Variants in MTIF2 observed in about 807,000 individuals in gnomAD.
MTIF2 encodes the protein mitochondrial translational initiation factor 2.
In MTIF2, 71 loss-of-function variants were observed where a neutral mutation model predicts 83.5. The ratio of observed to expected loss-of-function variants is 0.85; its 90% CI spans 0.70 to 1.04. MTIF2 has a LOEUF of 1.04. MTIF2 is among the 50% of genes least tolerant of loss of function. MTIF2 has a pLI of 0.00. For synonymous variants in MTIF2, 319 were observed against 287.1 expected, an observed-to-expected ratio of 1.11 and a Z score of -1.12; for missense variants, 957 against 846.5, an observed-to-expected ratio of 1.13 and a Z score of -1.62.
chr2:55,256,598 G>A (rs998572778), intron 5 of MTIF2, among the ~76,000 whole-genome samples: 1 of 150,720 alleles, frequency 6.6e-6, no homozygotes, highest in South Asian at 2.2e-4. Context: ...CCAGCTACTC[G>A]GGAGGCTGAG....
Position 55,243,018 on chromosome 2 carries a change from C to T in MTIF2, c.1627G>A (p.Glu543Lys), listed in dbSNP as rs1289133628. ...NIIDTYDASHECELELVHFGV... is the reference protein window; with the variant it reads ...NIIDTYDASHKCELELVHFGV... Reference sequence around the variant, plus strand: ...AAATGTACTAATTCTAGTTCACACTCGTGTGAAGCATCATAGGTATCTATA... The same window carrying T: ...AAATGTACTAATTCTAGTTCACACTTGTGTGAAGCATCATAGGTATCTATA... The change falls in exon 13 of 16, where the codon GAG (glutamate) becomes AAG (lysine). Residue 543 changes from glutamate (E) to lysine (K), a missense_variant. Coordinates refer to ENST00000263629, the MANE Select transcript of MTIF2 (RefSeq NM_002453.3). 19 of 1,609,468 alleles carry T rather than the reference C, an allele frequency of 1.2e-5. No individual in the cohort carries two copies. Among genetic ancestry groups the T allele is most frequent in the Non-Finnish European group, 1.5e-5 (18 of 1,176,262 alleles).
chr2:55,238,058 T>TA (rs1362776585), intron 14 of MTIF2, among the ~76,000 whole-genome samples: 1 of 151,972 alleles, frequency 6.6e-6, no homozygotes, highest in Non-Finnish European at 1.5e-5. Flanking sequence ...TGTTATTTTT[T>TA]AAAAAAAATT....
rs1010364032 is a variant in MTIF2 at position 55,254,264 on chromosome 2, T to G, written c.504-63A>C. On this transcript the variant is annotated intron_variant, in intron 6 of 15. Coordinates refer to ENST00000263629, the MANE Select transcript of MTIF2 (RefSeq NM_002453.3). ...TCAGAAATACTTTATAGCCTGTGAA[T>G]TGGTTCACATTTATCCCTGTGAACT... 3 of 1,538,540 alleles carry G rather than the reference T, an allele frequency of 1.9e-6. No homozygotes were observed. The African/African-American group carries it at 4.1e-5, about 21-fold the overall frequency.
In MTIF2 at chr2:55,252,568, C is replaced by G. The variant is rs759541361; in HGVS notation, c.750G>C (p.Gln250His). The change falls in exon 8 of 16, where the codon CAG (glutamine) becomes CAC (histidine). Residue 250 changes from glutamine to histidine, a missense_variant. This residue lies in a region of MTIF2 where 733 missense variants were observed against 648.7 expected (regional missense o/e 1.13). Transcript: ENST00000263629. Reference sequence around the variant, plus strand: ...CAACCAATACGACAATGTCAGTGACCTGAGCACCTCTGGCTCTCATTGCTG... The same window carrying G: ...CAACCAATACGACAATGTCAGTGACGTGAGCACCTCTGGCTCTCATTGCTG... ...AFSAMRARGA[Q>H]VTDIVVLVVA... 3.1e-6 allele frequency: 5 copies of G among 1,614,084 alleles called. No individual in the cohort carries two copies. In the South Asian group the frequency reaches 3.3e-5, roughly 11 times the overall value.
At chr2:55,266,763 C>CTTTTTTTTT (rs1216777992) in intron 3 of MTIF2, among the ~76,000 whole-genome samples, 16 of 86,292 alleles carry the variant, frequency 1.9e-4, no homozygotes, top group East Asian at 3.2e-4. Flanking sequence ...ACATTTCATT[C>CTTTTTTTTT]TTTTTTTTTT....
rs1410376705 is a variant in MTIF2, at chr2:55,249,166, T to C, written c.981+229A>G. 2.0e-5 allele frequency among the ~76,000 whole-genome samples: 3 copies of C among 152,122 alleles called. No homozygotes were observed. In the East Asian group the frequency reaches 5.8e-4, roughly 29 times the overall value. Reference sequence around the variant, plus strand: ...ATCCTAAGTATCTCATAATAAAAAATATATTCCATTTAGACTTGACTCCAC... The same window carrying C: ...ATCCTAAGTATCTCATAATAAAAAACATATTCCATTTAGACTTGACTCCAC... On this transcript the variant is annotated intron_variant, in intron 9 of 15. Coordinates refer to ENST00000263629, the MANE Select transcript of MTIF2 (RefSeq NM_002453.3).
In MTIF2 at chr2:55,238,099, A is replaced by G. The variant is rs546401751; in HGVS notation, c.1871-671T>C. ...AGATGGGTCACCCAGGCTGGAGTGC[A>G]GTGGCATGATCATAGCTCACTGTAC... On this transcript the variant is annotated intron_variant, in intron 14 of 15. Coordinates refer to ENST00000263629, the MANE Select transcript of MTIF2 (RefSeq NM_002453.3). 3.6e-4 allele frequency among the ~76,000 whole-genome samples: 55 copies of G among 152,304 alleles called. 1 individual carries two copies. In the South Asian group the frequency reaches 0.011, roughly 30 times the overall value.
At chr2:55,260,268 A>G (rs2104444604) in intron 5 of MTIF2, among the ~76,000 whole-genome samples, 1 of 152,130 alleles carries the variant, frequency 6.6e-6, no homozygotes, top group Middle Eastern at 3.4e-3. Context: ...GCGTGGTGGC[A>G]CATGCCTGTA....
intron 5 of MTIF2, among the ~76,000 whole-genome samples, chr2:55,257,613 C>T (rs912715829): frequency 3.9e-5 from 6 of 152,212 alleles, no homozygotes; most frequent in Non-Finnish European, 7.3e-5. Context: ...TTACAGTATT[C>T]TCCAATTTCC....
At chr2:55,250,037 G>A (rs554601115) in intron 8 of MTIF2, among the ~76,000 whole-genome samples, 3 of 152,260 alleles carry the variant, frequency 2.0e-5, no homozygotes, top group South Asian at 2.1e-4. Flanking sequence ...AGCTTGCAGT[G>A]AGCTGAAATC....
chr2:55,236,957 A>T, intron 15 of MTIF2, 137 bp from the exon 16 acceptor site: 2 of 731,608 alleles, frequency 2.7e-6, no homozygotes, highest in South Asian at 5.3e-5. Context: ...AAATGATGGG[A>T]CTAAATACCA....
rs895814502 is a variant in MTIF2, at chr2:55,236,628, T to C, written c.*20A>G. ...TTCAAACAAACAACACGTTGAGTTA[T>C]TTACATTTTTAATGTAATTTTAAAA... On this transcript the variant is annotated 3_prime_UTR_variant, in exon 16 of 16. Transcript: ENST00000263629. The C allele has an allele frequency of 2.2e-5, 35 of 1,569,812 alleles. No individual in the cohort carries two copies. Among genetic ancestry groups the C allele is most frequent in the Non-Finnish European group, 3.0e-5 (35 of 1,162,424 alleles).
Position 55,263,744 on chromosome 2 carries a change from A to C in MTIF2, c.115T>G (p.Ser39Ala). ...TGAGCTGTCCACACAGGGTAAGCAG[A>C]TGAAAACCCATGCCTCCACTGTCTT... ...ALRQWRHGFS[S>A]AYPVWTAQLC... Residue 39 changes from serine to alanine, a missense_variant, in exon 4 of 16, where the codon TCT becomes GCT. Coordinates refer to ENST00000263629, the MANE Select transcript of MTIF2 (RefSeq NM_002453.3). 6.2e-7 allele frequency: 1 copy of C among 1,614,216 alleles called. No individual in the cohort carries two copies. The highest frequency in any genetic ancestry group is 8.5e-7 in the Non-Finnish European group (1 of 1,180,040).
chr2:55,257,080 G>A (rs1016181140), intron 5 of MTIF2, among the ~76,000 whole-genome samples: 3 of 152,072 alleles, frequency 2.0e-5, no homozygotes, highest in African/African-American at 7.2e-5. Context: ...TCTCAGTCAT[G>A]TTTCCCTGCG....
chr2:55,244,221 T>C lies in MTIF2; in HGVS notation c.1119A>G (p.Thr373=). The C allele has an allele frequency of 6.2e-7, 1 of 1,611,934 alleles. No individual in the cohort carries two copies. The highest frequency in any genetic ancestry group is 1.1e-5 in the South Asian group (1 of 90,954). ...FTDKGRGLVT[T]AIIQRGTLRK... is the part of the protein sequence containing the mutation. ...TTAAAGTTCCTCTTTGAATTATAGC[T>C]GTAGTAACAAGACTAAAATGAAAAT... The change falls in exon 11 of 16, where the codon ACA becomes ACG. Residue 373 remains threonine, a synonymous_variant. Coordinates refer to ENST00000263629, the MANE Select transcript of MTIF2 (RefSeq NM_002453.3).
At chr2:55,257,962 G>T (rs1677671402) in intron 5 of MTIF2, among the ~76,000 whole-genome samples, 1 of 152,186 alleles carries the variant, frequency 6.6e-6, no homozygotes, top group African/African-American at 2.4e-5. Flanking sequence ...GCTAATTTTT[G>T]TATTTCTTTT....
intron 3 of MTIF2, among the ~76,000 whole-genome samples, chr2:55,266,988 T>A (rs1003589675): frequency 1.3e-5 from 2 of 152,098 alleles, no homozygotes; most frequent in Non-Finnish European, 1.5e-5. Context: ...CAGGCTAGTC[T>A]CAAACTCCTG....
rs775476184 is a variant in MTIF2, at chr2:55,237,301, A to G, written c.1998T>C (p.His666=). ...GATGTTGCTTACCCTTCCAAATTACATGTCCATTACGGGTTAGTTTAAATT... is the reference window on the plus strand; with the variant it reads ...GATGTTGCTTACCCTTCCAAATTACGTGTCCATTACGGGTTAGTTTAAATT... The part of the protein sequence containing the change: ...QKKFKLTRNG[H]VIWKGSLTSL... Residue 666 remains histidine, a synonymous_variant, in exon 15 of 16, where the codon CAT becomes CAC. Coordinates refer to ENST00000263629, the MANE Select transcript of MTIF2 (RefSeq NM_002453.3). The G allele has an allele frequency of 3.1e-6, 5 of 1,611,786 alleles. No homozygotes were observed. The highest frequency in any genetic ancestry group is 4.2e-6 in the Non-Finnish European group (5 of 1,179,622).
intron 3 of MTIF2, among the ~76,000 whole-genome samples, chr2:55,265,707 G>C (rs1678379953): frequency 6.6e-6 from 1 of 151,704 alleles, no homozygotes; most frequent in Non-Finnish European, 1.5e-5. Context: ...ACAAAAATAA[G>C]GTCATATTAA....
Sources: allele counts gnomAD v4.1 joint callset (sites outside exome capture counted in the v4.1 genomes callset), GRCh38; gene constraint gnomAD v4.1.1; regional missense constraint gnomAD v4.1.1; transcripts MANE v1.5; gene names NCBI Gene and HGNC (gene_info 2026-07-23, HGNC 2026-07-21).